Variants in CSMD1 observed in about 807,000 individuals in gnomAD.
CSMD1 encodes CUB and Sushi multiple domains 1.
A neutral mutation model predicts 417.5 loss-of-function variants in CSMD1; 213 were observed. The ratio of observed to expected loss-of-function variants is 0.51; its 90% CI spans 0.46 to 0.57. The LOEUF (loss-of-function observed/expected upper bound fraction) is 0.57. Among genes scored for constraint, CSMD1 ranks in the 20% least tolerant of loss-of-function variants. The probability of loss-of-function intolerance (pLI) is 0.00; values close to 1 mark genes in which losing one functional copy is unlikely to be tolerated. For missense variants in CSMD1, 6,923 were observed against 4,529.7 expected, an observed-to-expected ratio of 1.53 and a Z score of -15.17; for synonymous variants, 2,862 against 1,736.8, an observed-to-expected ratio of 1.65 and a Z score of -16.11.
At chr8:3,048,504 A>T (rs1811604849) in intron 50 of CSMD1, among the ~76,000 whole-genome samples, 1 of 152,178 alleles carries the variant, frequency 6.6e-6, no homozygotes, top group East Asian at 1.9e-4. Flanking sequence ...CTTTTCAATA[A>T]ATGGTGCTGG....
At chr8:3,197,504 C>G (rs1796765816) in intron 33 of CSMD1, among the ~76,000 whole-genome samples, 1 of 147,140 alleles carries the variant, frequency 6.8e-6, no homozygotes, top group Non-Finnish European at 1.5e-5. Context: ...CTCGCTCTGT[C>G]ACCCAGGCTG....
chr8:3,644,240 G>T (rs1272999102), intron 7 of CSMD1, among the ~76,000 whole-genome samples: 1 of 152,182 alleles, frequency 6.6e-6, no homozygotes, highest in African/African-American at 2.4e-5. Flanking sequence ...GGTCGTTGAG[G>T]TGACACTAAC....
chr8:3,771,624 T>G (rs1798579742), intron 5 of CSMD1, among the ~76,000 whole-genome samples: 1 of 151,776 alleles, frequency 6.6e-6, no homozygotes, highest in African/African-American at 2.4e-5. Flanking sequence ...TGGAGAAAGG[T>G]GACAGAAGCC....
chr8:3,282,548 C>G (rs1563222066), intron 26 of CSMD1, among the ~76,000 whole-genome samples: 1 of 151,770 alleles, frequency 6.6e-6, no homozygotes, highest in African/African-American at 2.4e-5. Context: ...TATATCACAA[C>G]AAAAAACAAG....
intron 1 of CSMD1, among the ~76,000 whole-genome samples, chr8:4,692,992 C>A (rs1806872634): frequency 6.6e-6 from 1 of 152,166 alleles, no homozygotes; most frequent in Non-Finnish European, 1.5e-5. Flanking sequence ...GTTCCTGGAA[C>A]AAAGCTCATC....
chr8:3,618,712 G>C (rs1802268889), intron 7 of CSMD1, among the ~76,000 whole-genome samples: 2 of 151,990 alleles, frequency 1.3e-5, no homozygotes, highest in Non-Finnish European at 1.5e-5. Context: ...CTAAATGACA[G>C]TAAAAAAATC....
chr8:4,339,150 C>T (rs1166187795), intron 3 of CSMD1, among the ~76,000 whole-genome samples: 1 of 152,060 alleles, frequency 6.6e-6, no homozygotes, highest in Non-Finnish European at 1.5e-5. Flanking sequence ...ATGCTATCAG[C>T]TATGAAAATA....
At chr8:3,586,016 C>G in intron 9 of CSMD1, 120 bp downstream of exon 9, 1 of 1,015,032 alleles carries the variant, frequency 9.9e-7, no homozygotes, top group Middle Eastern at 2.2e-4. Flanking sequence ...TGAAAACATA[C>G]ATTACTACCG....
intron 23 of CSMD1, among the ~76,000 whole-genome samples, chr8:3,334,172 C>G (rs1807090561): frequency 6.6e-6 from 1 of 152,176 alleles, no homozygotes; most frequent in Non-Finnish European, 1.5e-5. Context: ...TCAACCTTTT[C>G]AAGGTATCAG....
intron 4 of CSMD1, among the ~76,000 whole-genome samples, chr8:3,998,515 G>C (rs1215906100): frequency 3.3e-5 from 5 of 152,150 alleles, no homozygotes; most frequent in Admixed American, 6.5e-5. Flanking sequence ...CTGGCTTTGA[G>C]AATACTGTGC....
chr8:4,028,786 T>C lies in CSMD1; in HGVS notation c.610+3119A>G, dbSNP rs150416825. Among the ~76,000 whole-genome samples, 210 of 152,334 alleles carry C rather than the reference T, an allele frequency of 1.4e-3. 1 individual carries two copies. The highest frequency in any genetic ancestry group is 4.6e-3 in the African/African-American group (193 of 41,570). ...GTTAAATGGTATAATCCAAGTGAAG[T>C]TTTTAGCAAATTTTCTGGCATCTCA... On this transcript the variant is annotated intron_variant, in intron 4 of 69. Transcript: ENST00000635120.
intron 8 of CSMD1, among the ~76,000 whole-genome samples, chr8:3,592,005 GAT>G (rs1166366993): frequency 5.9e-5 from 9 of 152,102 alleles, no homozygotes; most frequent in African/African-American, 2.2e-4. Context: ...CGGATGGATA[GAT>G]GATAGGTAGA....
chr8:3,573,699 T>C (rs1479035506), intron 10 of CSMD1, among the ~76,000 whole-genome samples: 1 of 152,146 alleles, frequency 6.6e-6, no homozygotes. Flanking sequence ...GGAAACTATA[T>C]AAATAAGATG....
chr8:4,635,030 C>T (rs909309012), intron 2 of CSMD1, among the ~76,000 whole-genome samples: 16 of 152,088 alleles, frequency 1.1e-4, no homozygotes, highest in African/African-American at 3.4e-4. Context: ...AATGGAATAT[C>T]AAGATGAAAG....
chr8:3,842,095 C>G (rs1803174382), intron 5 of CSMD1, among the ~76,000 whole-genome samples: 1 of 152,170 alleles, frequency 6.6e-6, no homozygotes, highest in African/African-American at 2.4e-5. Context: ...AACTGGAAAA[C>G]ACACATGCCT....
intron 3 of CSMD1, among the ~76,000 whole-genome samples, chr8:4,095,055 C>A (rs566690550): frequency 6.6e-6 from 1 of 152,112 alleles, no homozygotes; most frequent in Admixed American, 6.5e-5. Flanking sequence ...AGTAGTTGAG[C>A]TTTGGGCTAA....
At chr8:4,495,381 A>C (rs994488434) in intron 2 of CSMD1, among the ~76,000 whole-genome samples, 7 of 152,084 alleles carry the variant, frequency 4.6e-5, no homozygotes, top group Non-Finnish European at 8.8e-5. Flanking sequence ...CGAGACTAGC[A>C]TGGCCAACGT....
chr8:4,322,125 C>A (rs764621226), intron 3 of CSMD1, among the ~76,000 whole-genome samples: 4 of 152,112 alleles, frequency 2.6e-5, no homozygotes, highest in Admixed American at 1.3e-4. Flanking sequence ...AATATTGGAT[C>A]ATTTTATCCT....
chr8:3,681,708 A>G (rs1799672301), intron 7 of CSMD1, among the ~76,000 whole-genome samples: 1 of 152,152 alleles, frequency 6.6e-6, no homozygotes, highest in Non-Finnish European at 1.5e-5. Context: ...TTCATGTGGA[A>G]CCAAAAAAGA....
Sources: allele counts gnomAD v4.1 joint callset (sites outside exome capture counted in the v4.1 genomes callset), GRCh38; gene constraint gnomAD v4.1.1; transcripts MANE v1.5; gene names NCBI Gene and HGNC (gene_info 2026-07-23, HGNC 2026-07-21).